Variants in NEMP2 observed in about 807,000 individuals in gnomAD.
NEMP2 encodes the protein nuclear envelope integral membrane protein 2.
NEMP2 carries 53 observed loss-of-function variants against 54.2 expected under a neutral mutation model. The ratio of observed to expected loss-of-function variants is 0.98; its 90% CI spans 0.78 to 1.23. The LOEUF (loss-of-function observed/expected upper bound fraction) is 1.23, where lower values mean the gene tolerates loss of function less well. Ranked by LOEUF, NEMP2 falls within the 50% of genes most tolerant of loss-of-function variation. NEMP2 has a pLI of 0.00. For missense variants in NEMP2, 455 were observed against 511.3 expected, an observed-to-expected ratio of 0.89 and a Z score of 1.06; for synonymous variants, 197 against 190.3, an observed-to-expected ratio of 1.04 and a Z score of -0.29.
At chr2:190,426,397 A>T in the NEMP2 span, among the ~76,000 whole-genome samples, 1 of 151,242 alleles carries the variant, frequency 6.6e-6, no homozygotes, top group East Asian at 1.9e-4. This position sits in a 1 kb window ranked among gnomAD's most constrained non-coding sequence, Gnocchi z 4.7. Context: ...TTTTTCTTCC[A>T]TTTCTTTGCT....
chr2:190,547,816 G>A, the NEMP2 span, among the ~76,000 whole-genome samples: 2 of 152,160 alleles, frequency 1.3e-5, no homozygotes, highest in African/African-American at 4.8e-5. The surrounding 1 kb of genome is among the most constrained non-coding windows in gnomAD (Gnocchi z 6.2). Context: ...GATTACAGGT[G>A]TGAGCCACCG....
chr2:190,455,723 C>T, the NEMP2 span, among the ~76,000 whole-genome samples: 3 of 150,702 alleles, frequency 2.0e-5, no homozygotes, highest in East Asian at 3.9e-4. Flanking sequence ...GCAGGGGCAT[C>T]GTGCGGAGGT....
the NEMP2 span, among the ~76,000 whole-genome samples, chr2:190,635,448 A>G: frequency 6.6e-6 from 1 of 152,088 alleles, no homozygotes; most frequent in Non-Finnish European, 1.5e-5. The surrounding 1 kb of genome is among the most constrained non-coding windows in gnomAD (Gnocchi z 4.1). Flanking sequence ...TCTTGGCCTC[A>G]AGAAGTCTTC....
At chr2:190,532,287 A>T (rs1169931487) in intron 1 of NEMP2, among the ~76,000 whole-genome samples, 1 of 152,158 alleles carries the variant, frequency 6.6e-6, no homozygotes, top group Non-Finnish European at 1.5e-5. Context: ...CTGAATATTC[A>T]TCTTTTTCTT....
the NEMP2 span, among the ~76,000 whole-genome samples, chr2:190,615,529 C>G: frequency 2.6e-5 from 4 of 152,210 alleles, no homozygotes; most frequent in African/African-American, 9.7e-5. This position sits in a 1 kb window ranked among gnomAD's most constrained non-coding sequence, Gnocchi z 4.7. Context: ...ACCTGGAAAT[C>G]TTCCAAACCT....
the NEMP2 span, among the ~76,000 whole-genome samples, chr2:190,581,880 T>G: frequency 4.6e-5 from 7 of 152,108 alleles, no homozygotes; most frequent in Non-Finnish European, 7.4e-5. Flanking sequence ...AAAAGTCATA[T>G]TGGTAACTTG....
chr2:190,585,652 G>A, the NEMP2 span, among the ~76,000 whole-genome samples: 12 of 152,310 alleles, frequency 7.9e-5, no homozygotes, highest in South Asian at 1.9e-3. The surrounding 1 kb of genome is among the most constrained non-coding windows in gnomAD (Gnocchi z 5.3). Flanking sequence ...CCTACAAAGA[G>A]TATAGAGTTT....
chr2:190,558,273 G>T, the NEMP2 span, among the ~76,000 whole-genome samples: 1 of 152,098 alleles, frequency 6.6e-6, no homozygotes, highest in East Asian at 1.9e-4. This position sits in a 1 kb window ranked among gnomAD's most constrained non-coding sequence, Gnocchi z 4.4. Flanking sequence ...GTTGAATAAT[G>T]AGAACACATG....
the NEMP2 span, among the ~76,000 whole-genome samples, chr2:190,647,663 T>C: frequency 6.6e-6 from 1 of 151,914 alleles, no homozygotes; most frequent in Non-Finnish European, 1.5e-5. Flanking sequence ...AAAAACAGAC[T>C]TCCAAAATTT....
At chr2:190,585,268 G>A in the NEMP2 span, among the ~76,000 whole-genome samples, 1 of 152,168 alleles carries the variant, frequency 6.6e-6, no homozygotes, top group African/African-American at 2.4e-5. This position sits in a 1 kb window ranked among gnomAD's most constrained non-coding sequence, Gnocchi z 5.3. Flanking sequence ...AGTTCCATAT[G>A]TTTACTACCC....
At chr2:190,473,302 A>C in the NEMP2 span, among the ~76,000 whole-genome samples, 30 of 152,354 alleles carry the variant, frequency 2.0e-4, no homozygotes, top group African/African-American at 7.0e-4. Flanking sequence ...AAATTGGATA[A>C]AGAGTCAAAA....
upstream of NEMP2, among the ~76,000 whole-genome samples, chr2:190,536,499 G>A (rs1691382317): frequency 6.6e-6 from 1 of 152,210 alleles, no homozygotes; most frequent in African/African-American, 2.4e-5. Flanking sequence ...GCTGCAATGG[G>A]AAAGTGTCAG....
chr2:190,647,714 T>C, the NEMP2 span, among the ~76,000 whole-genome samples: 113 of 140,780 alleles, frequency 8.0e-4, no homozygotes, highest in Middle Eastern at 0.011. Flanking sequence ...CTTCTTCTTT[T>C]TTTTTTTTTT....
At chr2:190,454,563 C>T in the NEMP2 span, 1 of 152,246 alleles carries the variant, frequency 6.6e-6, no homozygotes, top group Non-Finnish European at 1.5e-5. The surrounding 1 kb of genome is among the most constrained non-coding windows in gnomAD (Gnocchi z 4.6). Context: ...GCCGCCCTCC[C>T]TCTACCATAT....
the NEMP2 span, among the ~76,000 whole-genome samples, chr2:190,593,207 C>CTT: frequency 4.6e-5 from 7 of 152,252 alleles, no homozygotes; most frequent in African/African-American, 1.7e-4. This position sits in a 1 kb window ranked among gnomAD's most constrained non-coding sequence, Gnocchi z 4.5. Context: ...CATGCCCTAG[C>CTT]TTCTCTGCTT....
the NEMP2 span, among the ~76,000 whole-genome samples, chr2:190,543,799 C>G: frequency 2.0e-5 from 3 of 152,174 alleles, no homozygotes; most frequent in African/African-American, 7.2e-5. The surrounding 1 kb of genome is among the most constrained non-coding windows in gnomAD (Gnocchi z 4.7). Context: ...TAGACTATTT[C>G]CATGTGATGT....
chr2:190,462,132 T>G, the NEMP2 span, among the ~76,000 whole-genome samples: 1 of 152,104 alleles, frequency 6.6e-6, no homozygotes, highest in African/African-American at 2.4e-5. This position sits in a 1 kb window ranked among gnomAD's most constrained non-coding sequence, Gnocchi z 5.7. Context: ...TCCTTCTTGG[T>G]TTGTTTTTGT....
chr2:190,532,508 T>C (rs1035888624), intron 1 of NEMP2, among the ~76,000 whole-genome samples: 2 of 152,172 alleles, frequency 1.3e-5, no homozygotes, highest in Non-Finnish European at 2.9e-5. Flanking sequence ...GGGTGAAAAT[T>C]ATGGGAAACT....
At chr2:190,437,521 T>A in the NEMP2 span, 3 of 1,613,978 alleles carry the variant, frequency 1.9e-6, no homozygotes, top group Non-Finnish European at 2.5e-6. This position sits in a 1 kb window ranked among gnomAD's most constrained non-coding sequence, Gnocchi z 5.9. Context: ...GACAGCATAT[T>A]TTTTTAGTCA....
Sources: gnomAD v4.1 joint callset for allele counts (sites outside exome capture counted in the v4.1 genomes callset) on GRCh38, gnomAD v4.1.1 for gene constraint, Gnocchi (gnomAD v3.1) non-coding constraint, MANE v1.5 for transcripts, NCBI Gene and HGNC (gene_info 2026-07-23, HGNC 2026-07-21) for gene names.